The following SRBD1 variants were observed in gnomAD, a reference collection of about 807,000 sequenced individuals.
The protein encoded by SRBD1 is S1 RNA binding domain 1.
In SRBD1, 88 loss-of-function variants were observed where a neutral mutation model predicts 115.3. The ratio of observed to expected loss-of-function variants is 0.76; its 90% CI spans 0.64 to 0.91. The LOEUF is 0.91. Ranked by LOEUF, SRBD1 falls within the 40% of genes least tolerant of loss-of-function variation. SRBD1 has a pLI of 0.00. For missense variants in SRBD1, 1,385 were observed against 1,177.4 expected (o/e 1.18, Z -2.58); for synonymous variants, 509 against 407.7 (o/e 1.25, Z -2.99).
chr2:45,430,381 T>C (rs939349556), intron 16 of SRBD1, among the ~76,000 whole-genome samples: 1 of 152,168 alleles, frequency 6.6e-6, no homozygotes, highest in Non-Finnish European at 1.5e-5. Flanking sequence ...TCACGCTACC[T>C]GACTTCAAAC....
chr2:45,599,379 T>G, intron 4 of SRBD1, 70 bp downstream of exon 4: 1 of 1,513,906 alleles, frequency 6.6e-7, no homozygotes, highest in Admixed American at 2.1e-5. Context: ...CCTTAGACAG[T>G]ACAACCCCTA....
At position 45,602,035 on chromosome 2, in the gene SRBD1, G is replaced by C. The variant is rs763137373; in HGVS notation, c.129C>G (p.Pro43=). The C allele has an allele frequency of 5.0e-6, 8 of 1,614,022 alleles. No individual in the cohort carries two copies. In the South Asian group the frequency reaches 7.7e-5, roughly 16 times the overall value. ...TACGGCTTCTGGGAACTTTCTTTTG[G>C]GGCTCCCAGGCACTATCTTCCTTGT... is the stretch of plus-strand genomic sequence containing the variant. ...EDDKEDSAWE[P]QKKVPRSRKQ... Residue 43 remains proline (P), a synonymous_variant, in exon 3 of 21, where the codon CCC becomes CCG. Coordinates refer to ENST00000263736, the MANE Select transcript of SRBD1 (RefSeq NM_018079.5).
chr2:45,433,117 G>C (rs561529196), intron 16 of SRBD1, among the ~76,000 whole-genome samples: 1 of 152,006 alleles, frequency 6.6e-6, no homozygotes, highest in Admixed American at 6.6e-5. Flanking sequence ...TTTACTCAGC[G>C]ACCATCATCC....
At chr2:45,509,853 G>C (rs1670913665) in intron 14 of SRBD1, among the ~76,000 whole-genome samples, 1 of 152,074 alleles carries the variant, frequency 6.6e-6, no homozygotes. Flanking sequence ...TCCCATCTCA[G>C]CCTCCTGAGT....
At chr2:45,556,486 C>A (rs1476739653) in intron 10 of SRBD1, among the ~76,000 whole-genome samples, 1 of 102,360 alleles carries the variant, frequency 9.8e-6, no homozygotes, top group Non-Finnish European at 1.8e-5. Context: ...GAGACAGAGT[C>A]TCATCTCATT....
At chr2:45,416,021 T>C (rs142044347) in intron 18 of SRBD1, among the ~76,000 whole-genome samples, 39 of 151,968 alleles carry the variant, frequency 2.6e-4, no homozygotes, top group African/African-American at 9.2e-4. Flanking sequence ...GAGATAAAGA[T>C]GAGATGGGAA....
chr2:45,600,281 TA>T (rs1477324457), intron 3 of SRBD1, among the ~76,000 whole-genome samples: 3 of 151,018 alleles, frequency 2.0e-5, no homozygotes, highest in Non-Finnish European at 4.4e-5. Flanking sequence ...TGTGACATCT[TA>T]CTATAGATTT....
chr2:45,570,056 C>T (rs888432479), intron 9 of SRBD1, among the ~76,000 whole-genome samples: 1 of 152,190 alleles, frequency 6.6e-6, no homozygotes, highest in African/African-American at 2.4e-5. Flanking sequence ...TTTGTTGAAA[C>T]ACAACCATGC....
rs369940310 is a variant in SRBD1 at position 45,599,666 on chromosome 2, T to C, written c.431A>G (p.Asn144Ser). The C allele has an allele frequency of 9.9e-6, 16 of 1,614,102 alleles. No individual in the cohort carries two copies. Among genetic ancestry groups the C allele is most frequent in the Admixed American group, 1.7e-5 (1 of 60,010 alleles). ...KVEEETSKAS[N>S]LEGESNSSET... ...TGAACTATTACTCTCACCCTCTAAG[T>C]TGCTGGCTTTGCTGGTTTCTTCTTC... Residue 144 changes from asparagine (N) to serine (S), a missense_variant, in exon 4 of 21, where the codon AAC (asparagine) becomes AGC (serine). Transcript: ENST00000263736.
chr2:45,497,213 G>A (rs1304478586), intron 14 of SRBD1, among the ~76,000 whole-genome samples: 1 of 152,180 alleles, frequency 6.6e-6, no homozygotes, highest in African/African-American at 2.4e-5. Context: ...AAAGAACACA[G>A]GAATTTACTA....
At chr2:45,530,961 T>C (rs976307381) in intron 14 of SRBD1, among the ~76,000 whole-genome samples, 1 of 147,892 alleles carries the variant, frequency 6.8e-6, no homozygotes, top group Non-Finnish European at 1.5e-5. Flanking sequence ...CAAAGACAAA[T>C]GGGCAAGATG....
intron 5 of SRBD1, among the ~76,000 whole-genome samples, chr2:45,583,006 C>A (rs1463215865): frequency 1.3e-5 from 2 of 152,084 alleles, no homozygotes; most frequent in Non-Finnish European, 1.5e-5. Context: ...AGGGTGGGCA[C>A]AGTAGTTCCC....
At chr2:45,396,716 T>C (rs913436632) in intron 19 of SRBD1, among the ~76,000 whole-genome samples, 1 of 152,196 alleles carries the variant, frequency 6.6e-6, no homozygotes, top group Admixed American at 6.5e-5. Context: ...AAAAGTCTTG[T>C]AAGGCTTTTC....
At chr2:45,610,949 G>A (rs1001844693) in intron 1 of SRBD1, among the ~76,000 whole-genome samples, 22 of 150,844 alleles carry the variant, frequency 1.5e-4, no homozygotes, top group African/African-American at 1.9e-4. Flanking sequence ...AAACAGGCTT[G>A]CCCAGGCTTT....
intron 16 of SRBD1, among the ~76,000 whole-genome samples, chr2:45,462,772 G>T (rs1035567279): frequency 6.6e-6 from 1 of 151,982 alleles, no homozygotes; most frequent in African/African-American, 2.4e-5. Context: ...CTTGCAGTGA[G>T]CTGAGATCGC....
intron 10 of SRBD1, among the ~76,000 whole-genome samples, chr2:45,558,313 C>A (rs1458530455): frequency 3.9e-5 from 6 of 152,064 alleles, no homozygotes; most frequent in Non-Finnish European, 8.8e-5. Context: ...AAGAAGTTTT[C>A]TTAATTTTTT....
chr2:45,580,605 C>T lies in SRBD1; in HGVS notation c.934-592G>A, dbSNP rs191143327. Among the ~76,000 whole-genome samples the T allele has an allele frequency of 7.9e-3, 1,190 of 150,116 alleles. 8 individuals carry two copies. The highest frequency in any genetic ancestry group is 0.038 in the Middle Eastern group (11 of 292). ...TGATCTCTTGGTCTCGTGATCTGCC[C>T]GCCTCGGCCTCCCAAAGTGCTGGGA... On this transcript the variant is annotated intron_variant, in intron 6 of 20. Coordinates refer to ENST00000263736, the MANE Select transcript of SRBD1 (RefSeq NM_018079.5).
At chr2:45,414,824 TATATAGTATGTACACACAC>T (rs1333645641) in intron 18 of SRBD1, among the ~76,000 whole-genome samples, 1 of 148,582 alleles carries the variant, frequency 6.7e-6, no homozygotes, top group Non-Finnish European at 1.5e-5. Flanking sequence ...ATATAGTGTG[TATATAGTATGTACACACAC>T]ATATAGTGTG....
chr2:45,507,853 G>A (rs1056280176), intron 14 of SRBD1, among the ~76,000 whole-genome samples: 3 of 151,916 alleles, frequency 2.0e-5, no homozygotes, highest in Non-Finnish European at 2.9e-5. Context: ...CTTAATTGTT[G>A]GGCCTAATTT....
Sources: allele counts gnomAD v4.1 joint callset (sites outside exome capture counted in the v4.1 genomes callset), GRCh38; gene constraint gnomAD v4.1.1; transcripts MANE v1.5; gene names NCBI Gene and HGNC (gene_info 2026-07-23, HGNC 2026-07-21).